Variants in ISY1 observed in about 807,000 individuals in gnomAD.
The protein encoded by ISY1 is ISY1 spliceosome associated protein.
In ISY1, 12 loss-of-function variants were observed where a neutral mutation model predicts 54.4. The observed-to-expected ratio is 0.22, with a 90% CI of 0.14 to 0.36. The LOEUF is 0.36. Among genes scored for constraint, ISY1 ranks in the 10% least tolerant of loss-of-function variants. The probability of loss-of-function intolerance (pLI) is 1.00; values close to 1 mark genes in which losing one functional copy is unlikely to be tolerated. For missense variants in ISY1, 282 were observed against 342.2 expected, an observed-to-expected ratio of 0.82 and a Z score of 1.39; for synonymous variants, 96 against 117.9, an observed-to-expected ratio of 0.81 and a Z score of 1.20.
At chr3:129,147,157 T>C (rs550518802) in intron 5 of ISY1, among the ~76,000 whole-genome samples, 1 of 151,878 alleles carries the variant, frequency 6.6e-6, no homozygotes, top group East Asian at 1.9e-4. Flanking sequence ...GGCAGATCAC[T>C]TGAGGTCAGG....
chr3:129,151,211 A>G (rs1376284440), intron 5 of ISY1, among the ~76,000 whole-genome samples: 2 of 148,896 alleles, frequency 1.3e-5, no homozygotes, highest in Non-Finnish European at 3.0e-5. Flanking sequence ...ATGAATATAT[A>G]TGGGGTGTGT....
chr3:129,158,635 T>TG, intron 2 of ISY1, 76 bp from the exon 3 acceptor site: 1 of 1,595,540 alleles, frequency 6.3e-7, no homozygotes, highest in Non-Finnish European at 8.6e-7. Context: ...TGTTCCTGTA[T>TG]GGGGTAGATC....
Position 129,127,956 on chromosome 3 carries a change from C to T in ISY1, c.*2125G>A, listed in dbSNP as rs1050090321. On this transcript the variant is annotated 3_prime_UTR_variant, in exon 11 of 11. Transcript: ENST00000393295. ...GCGTGTGCCCCTTGGAAGACAAACC[C>T]ACAACCAGGCCTGTCTGAGGCCGGC... 2 of 152,318 alleles carry T rather than the reference C, an allele frequency of 1.3e-5. No homozygotes were observed. The highest frequency in any genetic ancestry group is 2.4e-5 in the African/African-American group (1 of 41,466). 9.4% of individuals were successfully genotyped at this position (152,318 alleles called of 1,614,324 possible).
chr3:129,134,308 G>C, intron 8 of ISY1, 113 bp from the exon 9 acceptor site: 1 of 1,547,354 alleles, frequency 6.5e-7, no homozygotes, highest in Non-Finnish European at 8.7e-7. Context: ...CTCTAGAAAG[G>C]GACACCCTTC....
Position 129,140,223 on chromosome 3 carries a change from C to A in ISY1, c.418+145G>T. The A allele has an allele frequency of 4.1e-6, 3 of 731,566 alleles. No homozygotes were observed. The South Asian group carries it at 6.4e-5, about 16-fold the overall frequency. 45.3% of individuals were successfully genotyped at this position (731,566 alleles called of 1,614,324 possible). A position where few individuals can be genotyped will look rare whatever the true frequency, so the allele number is the denominator to read the frequency against. ...GATTCTATCCCAGTTCTTAAGAATT[C>A]TCAGTTAAAATCTGGGAACAATAAT... On this transcript the variant is annotated intron_variant, in intron 7 of 10. Coordinates refer to ENST00000393295, the MANE Select transcript of ISY1 (RefSeq NM_020701.4).
intron 9 of ISY1, among the ~76,000 whole-genome samples, chr3:129,132,393 G>A (rs903503986): frequency 1.3e-5 from 2 of 151,926 alleles, no homozygotes; most frequent in African/African-American, 4.8e-5. Context: ...TCCCCACAAC[G>A]CCAGCTCCCC....
At chr3:129,136,040 A>C (rs1936387532) in intron 7 of ISY1, among the ~76,000 whole-genome samples, 1 of 152,282 alleles carries the variant, frequency 6.6e-6, no homozygotes, top group African/African-American at 2.4e-5. Context: ...CAAACAAAAA[A>C]GATACATGAG....
intron 7 of ISY1, among the ~76,000 whole-genome samples, chr3:129,137,635 G>C (rs7611673): frequency 3.3e-5 from 5 of 151,968 alleles, no homozygotes; most frequent in African/African-American, 1.2e-4. Context: ...GTTTGAGACC[G>C]GCCGGGAGCA....
chr3:129,145,676 G>GGGA, intron 6 of ISY1, 85 bp downstream of exon 6: 2 of 1,308,330 alleles, frequency 1.5e-6, no homozygotes, highest in South Asian at 2.5e-5. Context: ...CCTGTATCAA[G>GGGA]CGACTACTAT....
intron 1 of ISY1, 94 bp downstream of exon 1, chr3:129,160,879 C>A: frequency 6.8e-7 from 1 of 1,470,908 alleles, no homozygotes; most frequent in Non-Finnish European, 9.2e-7. Flanking sequence ...CACTGCACGT[C>A]TGAGCCTCTA....
At position 129,127,659 on chromosome 3, in the gene ISY1, C is replaced by T. The variant is rs1279023409; in HGVS notation, c.*2422G>A. 6.6e-6 allele frequency: 1 copy of T among 152,320 alleles called. No individual in the cohort carries two copies. The highest frequency in any genetic ancestry group is 1.5e-5 in the Non-Finnish European group (1 of 68,144). The allele number at this position is 152,320 out of a possible 1,614,324, so 9.4% of individuals were successfully genotyped here. On this transcript the variant is annotated 3_prime_UTR_variant, in exon 11 of 11. Transcript: ENST00000393295. The stretch of plus-strand genomic sequence containing the variant: ...CTGCCAGGAACACCTAGAGGATGTC[C>T]AGCTGGGTGCTTCTCCACTCTCAGT...
At chr3:129,145,693 A>C in intron 6 of ISY1, 68 bp downstream of exon 6, 1 of 1,488,064 alleles carries the variant, frequency 6.7e-7, no homozygotes, top group Non-Finnish European at 9.3e-7. Context: ...CTATGGCAAG[A>C]ATGAGCTGGG....
chr3:129,132,308 A>G (rs944892277), intron 9 of ISY1, among the ~76,000 whole-genome samples: 2 of 152,032 alleles, frequency 1.3e-5, no homozygotes, highest in African/African-American at 4.8e-5. Flanking sequence ...ATCTCTCTGT[A>G]CTCTTTGCAA....
intron 5 of ISY1, among the ~76,000 whole-genome samples, chr3:129,149,412 A>C (rs1224086600): frequency 7.5e-6 from 1 of 133,246 alleles, no homozygotes; most frequent in Non-Finnish European, 1.6e-5. Flanking sequence ...TGGCGACAAG[A>C]ACAAAACTCT....
chr3:129,154,715 GTCT>G (rs1937083524), intron 5 of ISY1, among the ~76,000 whole-genome samples: 1 of 135,144 alleles, frequency 7.4e-6, no homozygotes, highest in Admixed American at 8.2e-5. Flanking sequence ...TTGAGACAGA[GTCT>G]CGCTCTGTCT....
intron 5 of ISY1, among the ~76,000 whole-genome samples, chr3:129,155,964 T>C (rs1343939128): frequency 1.3e-5 from 2 of 151,422 alleles, no homozygotes; most frequent in Non-Finnish European, 3.0e-5. Flanking sequence ...TAGGTGATCC[T>C]CCCTCCTCGG....
At position 129,128,311 on chromosome 3, in the gene ISY1, G is replaced by A. The variant is rs1261168484; in HGVS notation, c.*1770C>T. On this transcript the variant is annotated 3_prime_UTR_variant, in exon 11 of 11. Transcript: ENST00000393295. ...CACATTTGCCTCCGGGCTTGACTGAGGGCTGGGATTGGCCAGCCCAGCCCT... is the reference window on the plus strand; with the variant it reads ...CACATTTGCCTCCGGGCTTGACTGAAGGCTGGGATTGGCCAGCCCAGCCCT... 1 of 152,096 alleles carries A rather than the reference G, an allele frequency of 6.6e-6. No homozygotes were observed. Among genetic ancestry groups the A allele is most frequent in the Non-Finnish European group, 1.5e-5 (1 of 68,036 alleles). 9.4% of individuals were successfully genotyped at this position (152,096 alleles called of 1,614,324 possible).
intron 5 of ISY1, among the ~76,000 whole-genome samples, chr3:129,153,355 T>A (rs190503180): frequency 1.1e-3 from 161 of 152,328 alleles, no homozygotes; most frequent in African/African-American, 3.7e-3. Context: ...TACCATTTCT[T>A]TTTGAACTGT....
intron 5 of ISY1, 53 bp downstream of exon 5, chr3:129,156,580 A>C: frequency 2.5e-6 from 4 of 1,579,174 alleles, no homozygotes; most frequent in African/African-American, 1.4e-5. Context: ...GAAGTCCTCA[A>C]GTCTAATTGT....
Sources: gnomAD v4.1 joint callset for allele counts (sites outside exome capture counted in the v4.1 genomes callset) on GRCh38, gnomAD v4.1.1 for gene constraint, MANE v1.5 for transcripts, NCBI Gene and HGNC (gene_info 2026-07-23, HGNC 2026-07-21) for gene names.